Variants in ARHGEF38 observed in about 807,000 individuals in gnomAD.
ARHGEF38 encodes Rho guanine nucleotide exchange factor (GEF) 38.
A neutral mutation model predicts 79.9 loss-of-function variants in ARHGEF38; 79 were observed. That is an observed-to-expected ratio of 0.99 (90% CI 0.82 to 1.19). ARHGEF38 has a LOEUF of 1.19. ARHGEF38 is among the 50% of genes most tolerant of loss of function. The pLI, the probability that ARHGEF38 is intolerant of heterozygous loss-of-function variation, is 0.00. For synonymous variants in ARHGEF38, 366 were observed against 328.3 expected (o/e 1.11, Z -1.24); for missense variants, 962 against 907.2 (o/e 1.06, Z -0.78).
At chr4:105,572,659 T>A (rs1249388049) in intron 1 of ARHGEF38, among the ~76,000 whole-genome samples, 1 of 152,206 alleles carries the variant, frequency 6.6e-6, no homozygotes, top group African/African-American at 2.4e-5. Flanking sequence ...GTGCCTGGCT[T>A]ATTTTACTTG....
intron 1 of ARHGEF38, among the ~76,000 whole-genome samples, chr4:105,569,660 G>A (rs1726119791): frequency 6.6e-6 from 1 of 152,186 alleles, no homozygotes. Context: ...TGCAGGTTCA[G>A]GAGCCAGACT....
intron 3 of ARHGEF38, among the ~76,000 whole-genome samples, chr4:105,629,547 T>C (rs1729094576): frequency 6.6e-6 from 1 of 151,966 alleles, no homozygotes; most frequent in Non-Finnish European, 1.5e-5. Context: ...GTCAATCTAT[T>C]CAGCCATCCC....
At position 105,645,364 on chromosome 4, in the gene ARHGEF38, A is replaced by G. The variant is rs997357144; in HGVS notation, c.851A>G (p.Glu284Gly). The change falls in exon 6 of 14, where the codon GAA becomes GGA. Residue 284 changes from glutamate to glycine, a missense_variant. Transcript: ENST00000420470. ...AAGGACATTAATGTTAACATCAATG[A>G]ACTTAAAAGAAGGAAAGATTTAGGT... ...AVKDINVNIN[E>G]LKRRKDLVLK... 2 of 1,525,334 alleles carry G rather than the reference A, an allele frequency of 1.3e-6. No individual in the cohort carries two copies. The highest frequency in any genetic ancestry group is 1.7e-4 in the Middle Eastern group (1 of 5,958). 94.5% of individuals were successfully genotyped at this position (1,525,334 alleles called of 1,614,324 possible).
At chr4:105,586,708 G>C (rs1011327816) in intron 1 of ARHGEF38, among the ~76,000 whole-genome samples, 10 of 152,092 alleles carry the variant, frequency 6.6e-5, no homozygotes, top group Admixed American at 3.3e-4. Context: ...AGGCATAGAA[G>C]GTTTAGAACC....
At chr4:105,619,853 A>G (rs1728669110) in intron 3 of ARHGEF38, among the ~76,000 whole-genome samples, 2 of 152,222 alleles carry the variant, frequency 1.3e-5, no homozygotes, top group South Asian at 2.1e-4. Context: ...ATTCCATAAG[A>G]TAAACTGATT....
intron 11 of ARHGEF38, among the ~76,000 whole-genome samples, 176 bp from the exon 12 acceptor site, chr4:105,666,953 T>C (rs1178759031): frequency 6.6e-6 from 1 of 152,162 alleles, no homozygotes; most frequent in Non-Finnish European, 1.5e-5. Context: ...TTTCCCTGAA[T>C]AACTCAGCTG....
chr4:105,573,361 T>A (rs1177650814), intron 1 of ARHGEF38, among the ~76,000 whole-genome samples: 1 of 152,140 alleles, frequency 6.6e-6, no homozygotes, highest in Non-Finnish European at 1.5e-5. Context: ...CTTTACAAGT[T>A]TTATATTTTT....
chr4:105,622,723 T>C (rs1268491676), intron 3 of ARHGEF38, among the ~76,000 whole-genome samples: 19 of 152,224 alleles, frequency 1.2e-4, no homozygotes, highest in Non-Finnish European at 2.8e-4. Flanking sequence ...ATCCCTTAGA[T>C]GGCTACTCCA....
chr4:105,679,465 T>A lies in ARHGEF38; in HGVS notation c.*1528T>A, dbSNP rs73837093. On this transcript the variant is annotated 3_prime_UTR_variant, in exon 14 of 14. Transcript: ENST00000420470. ...TGTATTTCCTCTAGGCTTTCCAGAG[T>A]CATGGTCACAAACCCCTTATCAGAG... 35,677 of 1,585,830 alleles carry A rather than the reference T, an allele frequency of 0.022. 523 individuals are homozygous for A. The highest frequency in any genetic ancestry group is 0.035 in the African/African-American group (2,608 of 74,382).
At chr4:105,603,376 C>T (rs549574293) in intron 2 of ARHGEF38, among the ~76,000 whole-genome samples, 9 of 152,136 alleles carry the variant, frequency 5.9e-5, no homozygotes, top group Admixed American at 1.3e-4. Flanking sequence ...TCCTGACCCT[C>T]GGGAGGATGG....
chr4:105,652,341 AAAC>A (rs1304653388), intron 7 of ARHGEF38, among the ~76,000 whole-genome samples: 1 of 152,240 alleles, frequency 6.6e-6, no homozygotes, highest in Non-Finnish European at 1.5e-5. Context: ...ATTTTCATTA[AAAC>A]AACAATAGTT....
chr4:105,667,060 T>A, intron 11 of ARHGEF38, 69 bp from the exon 12 acceptor site: 3 of 1,315,116 alleles, frequency 2.3e-6, no homozygotes, highest in Non-Finnish European at 3.0e-6. Flanking sequence ...AGGGAAAAAA[T>A]ATTTACCAAC....
chr4:105,619,656 C>A (rs1728660254), intron 3 of ARHGEF38, among the ~76,000 whole-genome samples: 1 of 152,024 alleles, frequency 6.6e-6, no homozygotes. Flanking sequence ...GTGCAAAAGG[C>A]TTTCTAAATG....
chr4:105,570,702 C>T (rs1479927091), intron 1 of ARHGEF38, among the ~76,000 whole-genome samples: 1 of 152,164 alleles, frequency 6.6e-6, no homozygotes. Context: ...CCAGGTCCCT[C>T]CCATGACACG....
intron 1 of ARHGEF38, among the ~76,000 whole-genome samples, chr4:105,580,800 C>A (rs1726749200): frequency 1.3e-5 from 2 of 152,054 alleles, no homozygotes; most frequent in Non-Finnish European, 1.5e-5. Flanking sequence ...ACAACCTCCA[C>A]CTTCCTGGTT....
chr4:105,632,136 G>A (rs905349483), intron 4 of ARHGEF38, among the ~76,000 whole-genome samples: 12 of 152,144 alleles, frequency 7.9e-5, no homozygotes, highest in South Asian at 2.1e-4. Flanking sequence ...CTAGAATTGG[G>A]TCTGAAAGTG....
intron 2 of ARHGEF38, among the ~76,000 whole-genome samples, chr4:105,599,948 T>A (rs1339451020): frequency 1.3e-5 from 2 of 152,296 alleles, no homozygotes; most frequent in Admixed American, 1.3e-4. Context: ...AGATAACTTG[T>A]AATGCAAAGT....
At chr4:105,657,672 T>A (rs1201373205) in intron 9 of ARHGEF38, among the ~76,000 whole-genome samples, 1 of 152,170 alleles carries the variant, frequency 6.6e-6, no homozygotes, top group Non-Finnish European at 1.5e-5. Context: ...TTATCCCAGA[T>A]ACAGTAAATA....
At chr4:105,621,280 G>A (rs142500426) in intron 3 of ARHGEF38, among the ~76,000 whole-genome samples, 1 of 152,310 alleles carries the variant, frequency 6.6e-6, no homozygotes, top group African/African-American at 2.4e-5. Flanking sequence ...GGGATGGTTT[G>A]TTACATAGCA....
Sources: gnomAD v4.1 joint callset for allele counts (sites outside exome capture counted in the v4.1 genomes callset) on GRCh38, gnomAD v4.1.1 for gene constraint, MANE v1.5 for transcripts, NCBI Gene and HGNC (gene_info 2026-07-23, HGNC 2026-07-21) for gene names.